F10: variants seen among roughly 807,000 people sequenced by gnomAD.
The protein encoded by F10 is Stuart-Prower factor.
Under a neutral mutation model 37.1 loss-of-function variants are expected in F10, and 29 were observed. That is an observed-to-expected ratio of 0.78 (90% CI 0.58 to 1.07). The LOEUF is 1.07. Ranked by LOEUF, F10 falls within the 50% of genes least tolerant of loss-of-function variation. The pLI, the probability that F10 is intolerant of heterozygous loss-of-function variation, is 0.00. For missense variants in F10, 539 were observed against 667.9 expected (o/e 0.81, Z 2.13); for synonymous variants, 262 against 268.6 (o/e 0.98, Z 0.24).
chr13:113,130,092 C>T (rs1004224583), intron 2 of F10: 1 of 269,500 alleles, frequency 3.7e-6, no homozygotes, highest in Non-Finnish European at 7.1e-6. Context: ...CCCAGTACTG[C>T]TCCTGCACAG....
At chr13:113,138,091 C>T (rs545044700) in intron 2 of F10, among the ~76,000 whole-genome samples, 1 of 152,336 alleles carries the variant, frequency 6.6e-6, no homozygotes, top group South Asian at 2.1e-4. Context: ...TTGACAAGCA[C>T]GTGACCCTTG....
chr13:113,139,493 C>T lies in F10; in HGVS notation c.370+23C>T. The T allele has an allele frequency of 6.3e-7, 1 of 1,580,990 alleles. No individual in the cohort carries two copies. The highest frequency in any genetic ancestry group is 1.1e-5 in the South Asian group (1 of 90,398). On this transcript the variant is annotated intron_variant, in intron 4 of 7. Coordinates refer to ENST00000375559, the MANE Select transcript of F10 (RefSeq NM_000504.4). The surrounding 1 kb of genome is among the most constrained non-coding windows in gnomAD (Gnocchi z 5.2). Reference sequence around the variant, plus strand: ...TATGTAGGTTCCTCTGCTTGGTATACCTTCAGATCAGATGCCCCTGAAGAG... The same window carrying T: ...TATGTAGGTTCCTCTGCTTGGTATATCTTCAGATCAGATGCCCCTGAAGAG...
intron 1 of F10, chr13:113,128,536 G>A (rs2036392118): frequency 6.6e-6 from 1 of 152,190 alleles, no homozygotes; most frequent in African/African-American, 2.4e-5. Context: ...GGAATAGATG[G>A]CAACTGTTTC....
At chr13:113,145,717 C>T (rs1046222868) in intron 6 of F10, among the ~76,000 whole-genome samples, 10 of 152,224 alleles carry the variant, frequency 6.6e-5, no homozygotes, top group East Asian at 3.9e-4. Flanking sequence ...TCTTACATGG[C>T]GGCAGCAAGA....
Position 113,132,469 on chromosome 13 carries a change from T to C in F10, c.231+2857T>C, listed in dbSNP as rs114128838. 5.0e-3 allele frequency among the ~76,000 whole-genome samples: 763 copies of C among 152,346 alleles called. 12 individuals are homozygous for C. Among genetic ancestry groups the C allele is most frequent in the African/African-American group, 0.018 (734 of 41,588 alleles). On this transcript the variant is annotated intron_variant, in intron 2 of 7. Transcript: ENST00000375559. Reference sequence around the variant, plus strand: ...GGAAAACACATATGCATGCATTTCTTCTAGATTATCATCTAAGAGTGGCTT... The same window carrying C: ...GGAAAACACATATGCATGCATTTCTCCTAGATTATCATCTAAGAGTGGCTT...
At position 113,149,207 on chromosome 13, in the gene F10, A is replaced by C; in HGVS notation, c.1157A>C (p.Asp386Ala). ...AAGATGCTGGAGGTGCCCTACGTGG[A>C]CCGCAACAGCTGCAAGCTGTCCAGC... ...RLKMLEVPYV[D>A]RNSCKLSSSF... The change falls in exon 8 of 8, where the codon GAC (aspartate) becomes GCC (alanine). Residue 386 changes from aspartate (D) to alanine (A), a missense_variant. By Grantham distance (126) the Asp-to-Ala change is moderately radical. Coordinates refer to ENST00000375559, the MANE Select transcript of F10 (RefSeq NM_000504.4). The surrounding 1 kb of genome is among the most constrained non-coding windows in gnomAD (Gnocchi z 7.5). The C allele has an allele frequency of 6.2e-7, 1 of 1,612,920 alleles. No homozygotes were observed. Among genetic ancestry groups the C allele is most frequent in the Non-Finnish European group, 8.5e-7 (1 of 1,179,974 alleles).
chr13:113,137,380 G>C (rs930647008), intron 2 of F10, among the ~76,000 whole-genome samples: 4 of 152,082 alleles, frequency 2.6e-5, no homozygotes, highest in South Asian at 2.1e-4. Flanking sequence ...GGGGTATTTG[G>C]GGGGGAAGGA....
At chr13:113,136,291 G>A (rs2036477315) in intron 2 of F10, among the ~76,000 whole-genome samples, 1 of 152,062 alleles carries the variant, frequency 6.6e-6, no homozygotes, top group Non-Finnish European at 1.5e-5. Flanking sequence ...AATGCAAAAT[G>A]GCACGGCCAC....
Position 113,139,516 on chromosome 13 carries a change from G to C in F10, c.370+46G>C. On this transcript the variant is annotated intron_variant, in intron 4 of 7. Coordinates refer to ENST00000375559, the MANE Select transcript of F10 (RefSeq NM_000504.4). This position sits in a 1 kb window ranked among gnomAD's most constrained non-coding sequence, Gnocchi z 5.2. Reference sequence around the variant, plus strand: ...TACCTTCAGATCAGATGCCCCTGAAGAGTGGCAGGTGGGCGGGGGAAGAAG... The same window carrying C: ...TACCTTCAGATCAGATGCCCCTGAACAGTGGCAGGTGGGCGGGGGAAGAAG... 2 of 1,449,584 alleles carry C rather than the reference G, an allele frequency of 1.4e-6. No individual in the cohort carries two copies. Among genetic ancestry groups the C allele is most frequent in the Non-Finnish European group, 1.9e-6 (2 of 1,030,798 alleles). 89.8% of individuals were successfully genotyped at this position (1,449,584 alleles called of 1,614,324 possible).
chr13:113,138,001 T>C (rs2036494867), intron 2 of F10, among the ~76,000 whole-genome samples: 1 of 152,182 alleles, frequency 6.6e-6, no homozygotes, highest in African/African-American at 2.4e-5. Context: ...CCTGTGGACA[T>C]TTTTTAGCGT....
intron 1 of F10, among the ~76,000 whole-genome samples, chr13:113,123,577 G>A (rs2036341469): frequency 6.6e-6 from 1 of 152,182 alleles, no homozygotes; most frequent in African/African-American, 2.4e-5. Context: ...GAGAGACAGG[G>A]ACCCTAGACT....
chr13:113,136,058 A>G (rs1267914056), intron 2 of F10, among the ~76,000 whole-genome samples: 1 of 152,216 alleles, frequency 6.6e-6, no homozygotes, highest in Non-Finnish European at 1.5e-5. Context: ...AGAAGAAAAT[A>G]AACACTCAGT....
intron 1 of F10, 124 bp downstream of exon 1, chr13:113,123,049 G>A: frequency 8.6e-7 from 1 of 1,159,504 alleles, no homozygotes; most frequent in Non-Finnish European, 1.2e-6. Context: ...CCAGAGGCTG[G>A]GCTCGGATGG....
chr13:113,148,537 C>T lies in F10; in HGVS notation c.866-379C>T, dbSNP rs558080005. 4.6e-5 allele frequency among the ~76,000 whole-genome samples: 7 copies of T among 152,072 alleles called. No individual in the cohort carries two copies. In the East Asian group the frequency reaches 1.2e-3, roughly 25 times the overall value. On this transcript the variant is annotated intron_variant, in intron 7 of 7. Transcript: ENST00000375559. ...TCTTTCATGCTAAGTCTCTATTTTACGTTCATGGCACAACTATTTTACACT... is the reference window on the plus strand; with the variant it reads ...TCTTTCATGCTAAGTCTCTATTTTATGTTCATGGCACAACTATTTTACACT...
rs3213004 is a variant in F10 at position 113,141,824 on chromosome 13, G to C, written c.502+774G>C. ...ACCCGCAGCGTTGGCCTCACCCGGG[G>C]GCATATTCGAAGGGCAGAGTTCCAG... is the stretch of plus-strand genomic sequence containing the variant. On this transcript the variant is annotated intron_variant, in intron 5 of 7. Transcript: ENST00000375559. This position sits in a 1 kb window ranked among gnomAD's most constrained non-coding sequence, Gnocchi z 5.4. Among the ~76,000 whole-genome samples, 3 of 152,252 alleles carry C rather than the reference G, an allele frequency of 2.0e-5. No individual in the cohort carries two copies. In the East Asian group the frequency reaches 5.8e-4, roughly 30 times the overall value.
chr13:113,124,245 G>A (rs978207949), intron 1 of F10, among the ~76,000 whole-genome samples: 2 of 152,208 alleles, frequency 1.3e-5, no homozygotes, highest in African/African-American at 4.8e-5. Flanking sequence ...AGAAGCAGAG[G>A]GTGGGGATGA....
intron 6 of F10, among the ~76,000 whole-genome samples, chr13:113,145,151 A>G (rs1256123355): frequency 6.6e-6 from 1 of 152,120 alleles, no homozygotes; most frequent in African/African-American, 2.4e-5. Flanking sequence ...AAGTGCTGGG[A>G]TTACAGGCGT....
rs2036511617 is a variant in F10 at position 113,139,908 on chromosome 13, G to C, written c.370+438G>C. 6.6e-6 allele frequency among the ~76,000 whole-genome samples: 1 copy of C among 152,054 alleles called. No individual in the cohort carries two copies. Among genetic ancestry groups the C allele is most frequent in the Non-Finnish European group, 1.5e-5 (1 of 68,022 alleles). On this transcript the variant is annotated intron_variant, in intron 4 of 7. Transcript: ENST00000375559. The surrounding 1 kb of genome is among the most constrained non-coding windows in gnomAD (Gnocchi z 5.2). ...CAATATTTGTGAATATTTGTGATTG[G>C]CCAATTATAAAAATTTGATACATTT...
Position 113,139,858 on chromosome 13 carries a change from T to G in F10, c.370+388T>G, listed in dbSNP as rs976384200. Among the ~76,000 whole-genome samples, 30 of 152,180 alleles carry G rather than the reference T, an allele frequency of 2.0e-4. No homozygotes were observed. The highest frequency in any genetic ancestry group is 7.2e-4 in the African/African-American group (30 of 41,440). On this transcript the variant is annotated intron_variant, in intron 4 of 7. Transcript: ENST00000375559. This position sits in a 1 kb window ranked among gnomAD's most constrained non-coding sequence, Gnocchi z 5.2. ...TGTGCAGTGATTCTAAATCACCTCT[T>G]ATTTATGTGTATGGATGCAGGTGTC...
Sources: gnomAD v4.1 joint callset for allele counts (sites outside exome capture counted in the v4.1 genomes callset) on GRCh38, gnomAD v4.1.1 for gene constraint, Gnocchi (gnomAD v3.1) non-coding constraint, MANE v1.5 for transcripts, NCBI Gene and HGNC (gene_info 2026-07-23, HGNC 2026-07-21) for gene names.